The following RNF139 variants were observed in gnomAD, a reference collection of about 807,000 sequenced individuals.
The protein encoded by RNF139 is ring finger protein 139.
RNF139 carries 15 observed loss-of-function variants against 49.5 expected under a neutral mutation model. The ratio of observed to expected loss-of-function variants is 0.30; its 90% CI spans 0.20 to 0.47. RNF139 has a LOEUF of 0.47. Among genes scored for constraint, RNF139 ranks in the 20% least tolerant of loss-of-function variants. The pLI is 1.00. For missense variants in RNF139, 619 were observed against 806.3 expected (o/e 0.77, Z 2.81); for synonymous variants, 325 against 300.9 (o/e 1.08, Z -0.83).
chr8:124,480,404 T>TAAAA (rs34661621), intron 1 of RNF139, among the ~76,000 whole-genome samples: 10 of 89,056 alleles, frequency 1.1e-4, no homozygotes, highest in East Asian at 4.0e-4. Flanking sequence ...ACTCCATCAC[T>TAAAA]AAAAAAAAAA....
chr8:124,486,406 T>C lies in RNF139; in HGVS notation c.757T>C (p.Leu253=). The C allele has an allele frequency of 6.2e-7, 1 of 1,614,188 alleles. No individual in the cohort carries two copies. The highest frequency in any genetic ancestry group is 2.2e-5 in the East Asian group (1 of 44,880). Residue 253 remains leucine (L), a synonymous_variant, in exon 2 of 2, where the codon TTA becomes CTA. Coordinates refer to ENST00000303545, the MANE Select transcript of RNF139 (RefSeq NM_007218.4). ...AAGAGTTACAGCTCAGGCTACAGTG[T>C]TAATGTACATCTTAAGGATGGCAAA... The part of the protein sequence containing the change: ...LTRVTAQATV[L]MYILRMANET...
intron 1 of RNF139, among the ~76,000 whole-genome samples, chr8:124,479,242 A>G (rs1816365698): frequency 6.6e-6 from 1 of 152,102 alleles, no homozygotes; most frequent in African/African-American, 2.4e-5. Flanking sequence ...TGGCTCGTAC[A>G]ACTTTTGACT....
intron 1 of RNF139, among the ~76,000 whole-genome samples, chr8:124,477,475 C>T (rs1403920625): frequency 2.0e-5 from 3 of 152,080 alleles, no homozygotes; most frequent in Non-Finnish European, 4.4e-5. Context: ...TCACTTTTTT[C>T]TTTAAAATTA....
In RNF139 at chr8:124,488,099, TGA is replaced by T. The variant is rs1175738450; in HGVS notation, c.*461_*462del. ...TAATTTGACCAGAGGATAAAGGACATGAGAGAGTATTTTAAAACTAAAGAAAA... is the reference window on the plus strand; with the variant it reads ...TAATTTGACCAGAGGATAAAGGACATGAGAGTATTTTAAAACTAAAGAAAA... On this transcript the variant is annotated 3_prime_UTR_variant, in exon 2 of 2. Transcript: ENST00000303545. Among the ~76,000 whole-genome samples the T allele has an allele frequency of 1.3e-5, 2 of 152,084 alleles. No individual in the cohort carries two copies. The highest frequency in any genetic ancestry group is 2.9e-5 in the Non-Finnish European group (2 of 67,990).
At chr8:124,478,252 G>A (rs1816344406) in intron 1 of RNF139, among the ~76,000 whole-genome samples, 1 of 151,858 alleles carries the variant, frequency 6.6e-6, no homozygotes. Context: ...AAGAGAAAAA[G>A]TATTTAGCCC....
In RNF139 at chr8:124,486,618, T is replaced by G; in HGVS notation, c.969T>G (p.Leu323=). ...IGSTEEDDRR[L]GFVAPVLFFI... ...CAACTGAGGAAGATGACAGGCGTCT[T>G]GGCTTTGTTGCACCTGTTTTATTTT... The change falls in exon 2 of 2, where the codon CTT becomes CTG. Residue 323 remains leucine, a synonymous_variant. Transcript: ENST00000303545. 6.2e-7 allele frequency: 1 copy of G among 1,614,218 alleles called. No homozygotes were observed. Among genetic ancestry groups the G allele is most frequent in the Non-Finnish European group, 8.5e-7 (1 of 1,180,028 alleles).
chr8:124,479,887 T>C (rs563027765), intron 1 of RNF139, among the ~76,000 whole-genome samples: 1 of 152,190 alleles, frequency 6.6e-6, no homozygotes, highest in East Asian at 1.9e-4. Flanking sequence ...AAATAAATTA[T>C]ACTAGATGTC....
Position 124,486,945 on chromosome 8 carries a change from A to G in RNF139, c.1296A>G (p.Leu432=), listed in dbSNP as rs1411441708. ...AVTAFCVELC[L]KVIVSLTVYT... The stretch of plus-strand genomic sequence containing the variant: ...CAGCATTTTGTGTGGAACTGTGCTT[A>G]AAAGTAATTGTTTCTCTCACTGTTT... The change falls in exon 2 of 2, where the codon TTA becomes TTG. Residue 432 remains leucine, a synonymous_variant. Coordinates refer to ENST00000303545, the MANE Select transcript of RNF139 (RefSeq NM_007218.4). The G allele has an allele frequency of 2.5e-6, 4 of 1,613,980 alleles. No individual in the cohort carries two copies. In the Admixed American group the frequency reaches 6.7e-5, roughly 27 times the overall value.
chr8:124,475,531 A>G (rs1816299882), intron 1 of RNF139, among the ~76,000 whole-genome samples: 3 of 152,230 alleles, frequency 2.0e-5, no homozygotes, highest in South Asian at 4.1e-4. Context: ...GTGGGGAGAA[A>G]GTAAGGATGT....
intron 1 of RNF139, among the ~76,000 whole-genome samples, chr8:124,484,500 G>T (rs1816497915): frequency 6.6e-6 from 1 of 152,118 alleles, no homozygotes; most frequent in Admixed American, 6.5e-5. Flanking sequence ...GTGGGGCTGG[G>T]TTGGGAGTAT....
At chr8:124,481,601 G>A (rs1816409886) in intron 1 of RNF139, among the ~76,000 whole-genome samples, 1 of 151,864 alleles carries the variant, frequency 6.6e-6, no homozygotes, top group Non-Finnish European at 1.5e-5. Flanking sequence ...CCTCTTTTTG[G>A]CTACCTTGAA....
chr8:124,483,239 C>T (rs1350560848), intron 1 of RNF139: 2 of 140,070 alleles, frequency 1.4e-5, no homozygotes, highest in African/African-American at 2.6e-5. Context: ...TTATTGTGTC[C>T]TTTTGTTTTC....
chr8:124,486,278 T>C lies in RNF139; in HGVS notation c.629T>C (p.Leu210Pro), dbSNP rs778555631. Residue 210 changes from leucine to proline, a missense_variant, in exon 2 of 2, where the codon CTT (leucine) becomes CCT (proline). By Grantham distance (98) the Leu-to-Pro change is moderately conservative (BLOSUM62 -3). This residue lies in a region of RNF139 where 530 missense variants were observed against 728.9 expected (regional missense o/e 0.73). Transcript: ENST00000303545. ...WFYYSTRYVYLLVRHMYRIYG... is the reference protein window; with the variant it reads ...WFYYSTRYVYPLVRHMYRIYG... ...TATTATTCCACACGATATGTTTATC[T>C]TTTGGTGAGGCACATGTATCGAATT... The C allele has an allele frequency of 7.4e-6, 12 of 1,614,110 alleles. No homozygotes were observed. In the South Asian group the frequency reaches 1.2e-4, roughly 16 times the overall value.
At position 124,475,231 on chromosome 8, in the gene RNF139, A is replaced by G. The variant is rs1816292866; in HGVS notation, c.122A>G (p.Tyr41Cys). 1.9e-6 allele frequency: 3 copies of G among 1,613,470 alleles called. No homozygotes were observed. The East Asian group carries it at 6.7e-5, about 36-fold the overall frequency. Residue 41 changes from tyrosine (Y) to cysteine (C), a missense_variant, in exon 1 of 2, where the codon TAC becomes TGC. Physicochemically the swap from Tyr to Cys is radical, Grantham distance 194. This residue lies in a region of RNF139 where 89 missense variants were observed against 77.5 expected (regional missense o/e 1.15). Coordinates refer to ENST00000303545, the MANE Select transcript of RNF139 (RefSeq NM_007218.4). ...LYIIDAIFNS[Y>C]PDSSQSRFCI... is the part of the protein sequence containing the mutation. Reference sequence around the variant, plus strand: ...ATCATCGACGCCATCTTCAACTCCTACCCGGATTCCAGCCAAAGCCGGTTC... The same window carrying G: ...ATCATCGACGCCATCTTCAACTCCTGCCCGGATTCCAGCCAAAGCCGGTTC...
rs942875386 is a variant in RNF139, at chr8:124,487,868, A to G, written c.*224A>G. ...TTTAAATTTGTGTACATTATTGTACATAGAATAAAATGTTTTCACATTTTT... is the reference window on the plus strand; with the variant it reads ...TTTAAATTTGTGTACATTATTGTACGTAGAATAAAATGTTTTCACATTTTT... On this transcript the variant is annotated 3_prime_UTR_variant, in exon 2 of 2. Coordinates refer to ENST00000303545, the MANE Select transcript of RNF139 (RefSeq NM_007218.4). 1.8e-5 allele frequency: 8 copies of G among 444,554 alleles called. No individual in the cohort carries two copies. The highest frequency in any genetic ancestry group is 3.2e-5 in the Non-Finnish European group (8 of 252,768). The allele number at this position is 444,554 out of a possible 1,614,324, so 27.5% of individuals were successfully genotyped here. A position where few individuals can be genotyped will look rare whatever the true frequency, so the allele number is the denominator to read the frequency against.
At chr8:124,482,758 C>A (rs1479293871) in intron 1 of RNF139, among the ~76,000 whole-genome samples, 1 of 150,224 alleles carries the variant, frequency 6.7e-6, no homozygotes, top group Admixed American at 6.7e-5. Context: ...AAAACCCTGT[C>A]TCTACTGAAA....
chr8:124,480,253 C>A (rs1463602866), intron 1 of RNF139, among the ~76,000 whole-genome samples: 3 of 151,190 alleles, frequency 2.0e-5, no homozygotes, highest in Non-Finnish European at 4.4e-5. Flanking sequence ...TTTTTCCAAT[C>A]TTAGATTAAG....
In RNF139 at chr8:124,478,673, C is replaced by T. The variant is rs151021253; in HGVS notation, c.181+3383C>T. Among the ~76,000 whole-genome samples, 707 of 149,244 alleles carry T rather than the reference C, an allele frequency of 4.7e-3. 6 individuals are homozygous for T. Among genetic ancestry groups the T allele is most frequent in the African/African-American group, 0.016 (662 of 40,758 alleles). On this transcript the variant is annotated intron_variant, in intron 1 of 1. Coordinates refer to ENST00000303545, the MANE Select transcript of RNF139 (RefSeq NM_007218.4). ...AGAGTTCAAAGTTTTATTAGTTTTG[C>T]AAAGGTATTTACCTTTTTGAAATAG...
Position 124,475,051 on chromosome 8 carries a change from C to G in RNF139, c.-59C>G. On this transcript the variant is annotated 5_prime_UTR_variant, in exon 1 of 2. Transcript: ENST00000303545. ...TTAGCCCCCGCCCCCGGCCGCGGCC[C>G]CGGGCCCTGCCCCGCGCGGCCCTGC... The G allele has an allele frequency of 8.1e-7, 1 of 1,233,256 alleles. No individual in the cohort carries two copies. Among genetic ancestry groups the G allele is most frequent in the Non-Finnish European group, 1.0e-6 (1 of 980,812 alleles). 76.4% of individuals were successfully genotyped at this position (1,233,256 alleles called of 1,614,324 possible).
Sources: gnomAD v4.1 joint callset for allele counts (sites outside exome capture counted in the v4.1 genomes callset) on GRCh38, gnomAD v4.1.1 for gene constraint, gnomAD v4.1.1 regional missense constraint, MANE v1.5 for transcripts, NCBI Gene and HGNC (gene_info 2026-07-23, HGNC 2026-07-21) for gene names.